Variants in C12orf76 observed in about 807,000 individuals in gnomAD.
The protein encoded by C12orf76 is uncharacterized protein C12orf76.
C12orf76 carries 6 observed loss-of-function variants against 6.8 expected under a neutral mutation model. That is an observed-to-expected ratio of 0.88 (90% CI 0.48 to 1.73). C12orf76 has a LOEUF of 1.73. Ranked by LOEUF, C12orf76 falls within the 40% of genes most tolerant of loss-of-function variation. C12orf76 has a pLI of 0.01. For missense variants in C12orf76, 99 were observed against 98.2 expected, an observed-to-expected ratio of 1.01 and a Z score of -0.03; for synonymous variants, 56 against 43.7, an observed-to-expected ratio of 1.28 and a Z score of -1.11.
chr12:110,043,076 AAAC>A (rs200605189), intron 1 of C12orf76, among the ~76,000 whole-genome samples: 2,590 of 152,070 alleles, frequency 0.017, 62 homozygotes, highest in African/African-American at 0.047. Context: ...TCAAAAAAAA[AAAC>A]AACAACAAAA....
chr12:110,059,186 C>A (rs956968456), intron 2 of C12orf76: 2 of 1,536,812 alleles, frequency 1.3e-6, no homozygotes, highest in Admixed American at 4.1e-5. Flanking sequence ...AAAATGCACA[C>A]ACACAATTAA....
chr12:110,042,552 G>T (rs745699236), intron 1 of C12orf76, 93 bp from the exon 2 acceptor site: 1 of 798,680 alleles, frequency 1.3e-6, no homozygotes, highest in Non-Finnish European at 2.2e-6. Flanking sequence ...GCCACTTGCT[G>T]CCAGGCACTA....
intron 1 of C12orf76, among the ~76,000 whole-genome samples, chr12:110,047,794 C>A (rs1006443971): frequency 2.0e-5 from 3 of 152,230 alleles, no homozygotes; most frequent in African/African-American, 4.8e-5. Context: ...GTAGGAAATG[C>A]TCAAAAACTG....
At position 110,042,115 on chromosome 12, in the gene C12orf76, T is replaced by C. The variant is rs1349631794; in HGVS notation, c.*259A>G. On this transcript the variant is annotated 3_prime_UTR_variant, in exon 2 of 2. Transcript: ENST00000615315. Reference sequence around the variant, plus strand: ...AACACTCCATCTTTACACTGACCTTTGGAGCTTTCAGGTCTTACTTTTAAC... The same window carrying C: ...AACACTCCATCTTTACACTGACCTTCGGAGCTTTCAGGTCTTACTTTTAAC... 9.3e-6 allele frequency: 5 copies of C among 535,896 alleles called. No individual in the cohort carries two copies. The East Asian group carries it at 1.5e-4, about 16-fold the overall frequency. 33.2% of individuals were successfully genotyped at this position (535,896 alleles called of 1,614,324 possible).
chr12:110,061,902 C>T (rs1892777960), intron 2 of C12orf76, among the ~76,000 whole-genome samples: 1 of 152,064 alleles, frequency 6.6e-6, no homozygotes, highest in Non-Finnish European at 1.5e-5. Flanking sequence ...CTCAGCTCTA[C>T]CACTTACTGG....
chr12:110,073,580 G>T, exon 1 of C12orf76: 1 of 484,662 alleles, frequency 2.1e-6, no homozygotes. Context: ...GCTGGACCAG[G>T]GCTCAACTCT....
At chr12:110,051,143 G>C (rs754514171), upstream of C12orf76, 13 of 780,418 alleles carry the variant, frequency 1.7e-5, no homozygotes, top group Non-Finnish European at 3.1e-5. Context: ...CACTGGTACA[G>C]CTTGCCACTC....
upstream of C12orf76, among the ~76,000 whole-genome samples, chr12:110,068,641 T>C (rs1253148110): frequency 1.3e-5 from 2 of 152,238 alleles, no homozygotes; most frequent in Non-Finnish European, 2.9e-5. Flanking sequence ...GTTGTGAGAA[T>C]AGAAGAAGCT....
chr12:110,048,635 T>C (rs946201762), upstream of C12orf76: 10 of 1,291,370 alleles, frequency 7.7e-6, no homozygotes, highest in African/African-American at 1.5e-4. Flanking sequence ...TGGTCTAAGT[T>C]CCGCTTCTGC....
chr12:110,063,737 C>G (rs1193452101), intron 2 of C12orf76, among the ~76,000 whole-genome samples: 1 of 150,632 alleles, frequency 6.6e-6, no homozygotes, highest in Admixed American at 6.6e-5. Flanking sequence ...AAGCGATTCT[C>G]CAGCCTCAGG....
chr12:110,072,948 CA>C (rs199763898), intron 1 of C12orf76, among the ~76,000 whole-genome samples: 11,659 of 100,130 alleles, frequency 0.12, 436 homozygotes, highest in African/African-American at 0.13. Context: ...GACTTCATCT[CA>C]AAAAAAAAAA....
At chr12:110,052,636 T>C (rs1892600307), upstream of C12orf76, among the ~76,000 whole-genome samples, 1 of 152,198 alleles carries the variant, frequency 6.6e-6, no homozygotes, top group Admixed American at 6.5e-5. Context: ...AAAGAGTTTG[T>C]TTTAAATGCT....
chr12:110,063,096 C>T lies in C12orf76; in HGVS notation n.380+2764G>A, dbSNP rs529079802. On this transcript the variant is annotated intron_variant and non_coding_transcript_variant, in intron 2 of 4. Coordinates refer to the C12orf76 transcript ENST00000309050. The stretch of plus-strand genomic sequence containing the variant: ...CTGGGATTACATGCACCTGCCACCA[C>T]GCCCAGCTAATTTTTGTATTTTTAG... 4.0e-5 allele frequency among the ~76,000 whole-genome samples: 6 copies of T among 151,490 alleles called. No homozygotes were observed. In the South Asian group the frequency reaches 1.3e-3, roughly 32 times the overall value.
chr12:110,059,190 C>A, intron 2 of C12orf76: 1 of 1,535,100 alleles, frequency 6.5e-7, no homozygotes. Flanking sequence ...TGCACACACA[C>A]AATTAATTTT....
intron 1 of C12orf76, 128 bp downstream of exon 1, chr12:110,048,235 C>T: frequency 1.2e-5 from 15 of 1,216,748 alleles, no homozygotes; most frequent in Non-Finnish European, 1.6e-5. Flanking sequence ...GGGGCCTCAC[C>T]TGCACCCCCC....
intron 3 of C12orf76, chr12:110,057,326 A>C (rs770283543): frequency 2.6e-5 from 39 of 1,480,236 alleles, no homozygotes; most frequent in Non-Finnish European, 3.5e-5. Flanking sequence ...GTAACACCAA[A>C]GGGCTGAGCC....
At chr12:110,043,079 C>A (rs1018418044) in intron 1 of C12orf76, among the ~76,000 whole-genome samples, 15 of 145,774 alleles carry the variant, frequency 1.0e-4, no homozygotes, top group African/African-American at 3.7e-4. Context: ...AAAAAAAAAA[C>A]AACAACAAAA....
rs549857832 is a variant in C12orf76 at position 110,048,285 on chromosome 12, G to A, written c.133+78C>T. The A allele has an allele frequency of 2.8e-4, 400 of 1,424,162 alleles. 1 individual carries two copies. Among genetic ancestry groups the A allele is most frequent in the Admixed American group, 4.0e-4 (15 of 37,938 alleles). 88.2% of individuals were successfully genotyped at this position (1,424,162 alleles called of 1,614,324 possible). ...CCCCACTCTATCCCCTGTCCGCTCCGTACATGCCCGGCTCCAGCACCCGGA... is the reference window on the plus strand; with the variant it reads ...CCCCACTCTATCCCCTGTCCGCTCCATACATGCCCGGCTCCAGCACCCGGA... On this transcript the variant is annotated intron_variant, in intron 1 of 1. Coordinates refer to ENST00000615315, the MANE Select transcript of C12orf76 (RefSeq NM_001389625.1).
upstream of C12orf76, among the ~76,000 whole-genome samples, chr12:110,053,146 C>T (rs112692437): frequency 2.3e-3 from 342 of 148,338 alleles, 2 homozygotes; most frequent in African/African-American, 8.1e-3. Context: ...AAGCCAATAT[C>T]GTGCCACTGT....
Sources: gnomAD v4.1 joint callset for allele counts (sites outside exome capture counted in the v4.1 genomes callset) on GRCh38, gnomAD v4.1.1 for gene constraint, MANE v1.5 for transcripts, NCBI Gene and HGNC (gene_info 2026-07-23, HGNC 2026-07-21) for gene names.